Variants in MPPED2 observed in about 807,000 individuals in gnomAD.
MPPED2 encodes the protein metallophosphoesterase domain containing 2, also known as metallophosphoesterase MPPED2.
In MPPED2, 5 loss-of-function variants were observed where a neutral mutation model predicts 33.0. The observed-to-expected ratio is 0.15, with a 90% CI of 0.08 to 0.32. MPPED2 has a LOEUF of 0.32. Ranked by LOEUF, MPPED2 falls within the 10% of genes least tolerant of loss-of-function variation. MPPED2 has a pLI of 1.00. For synonymous variants in MPPED2, 136 were observed against 141.9 expected (o/e 0.96, Z 0.29); for missense variants, 275 against 372.1 (o/e 0.74, Z 2.15).
chr11:30,498,349 T>A lies in MPPED2; in HGVS notation c.311-2828A>T, dbSNP rs145680222. On this transcript the variant is annotated intron_variant, in intron 3 of 6. Coordinates refer to ENST00000358117, the MANE Select transcript of MPPED2 (RefSeq NM_001584.3). ...CCCGGAATCCCAGCACTTTGGGAGG[T>A]CAAGACAGGCAGATCACCTGAGGTC... is the stretch of plus-strand genomic sequence containing the variant. Among the ~76,000 whole-genome samples, 5 of 151,574 alleles carry A rather than the reference T, an allele frequency of 3.3e-5. 1 individual carries two copies. The highest frequency in any genetic ancestry group is 1.2e-4 in the African/African-American group (5 of 41,286).
chr11:30,450,207 T>C (rs1949996130), intron 4 of MPPED2, among the ~76,000 whole-genome samples: 1 of 152,226 alleles, frequency 6.6e-6, no homozygotes, highest in African/African-American at 2.4e-5. Context: ...AAAATATTAA[T>C]TGAGCATCTG....
intron 4 of MPPED2, among the ~76,000 whole-genome samples, chr11:30,435,860 T>C (rs962919477): frequency 6.6e-6 from 1 of 150,412 alleles, no homozygotes; most frequent in African/African-American, 2.5e-5. Flanking sequence ...AAACCTCATG[T>C]TTTTTTCCCC....
chr11:30,412,433 TA>T (rs1948149252), intron 6 of MPPED2, among the ~76,000 whole-genome samples: 1 of 152,122 alleles, frequency 6.6e-6, no homozygotes, highest in African/African-American at 2.4e-5. Context: ...CCTCTTCAAC[TA>T]AGATTCTATG....
At chr11:30,500,446 C>T (rs549195613) in intron 3 of MPPED2, among the ~76,000 whole-genome samples, 7 of 152,116 alleles carry the variant, frequency 4.6e-5, no homozygotes, top group Non-Finnish European at 7.3e-5. Flanking sequence ...CCTAATGATT[C>T]GATTTTAAAA....
intron 2 of MPPED2, among the ~76,000 whole-genome samples, chr11:30,578,740 C>T (rs967848180): frequency 4.6e-5 from 7 of 152,004 alleles, no homozygotes; most frequent in African/African-American, 1.7e-4. Context: ...AGAACTGAAG[C>T]TATTCTAAAG....
At chr11:30,493,287 C>T (rs539484301) in intron 4 of MPPED2, among the ~76,000 whole-genome samples, 148 of 150,344 alleles carry the variant, frequency 9.8e-4, no homozygotes, top group Non-Finnish European at 1.3e-3. Context: ...AGGAGAATGG[C>T]GTGAACCCGG....
intron 4 of MPPED2, among the ~76,000 whole-genome samples, chr11:30,480,374 A>G (rs16920762): frequency 0.19 from 28,942 of 151,978 alleles, 2,861 homozygotes; most frequent in East Asian, 0.28. Flanking sequence ...ACAGGACTGC[A>G]GTGTGCTTAC....
intron 2 of MPPED2, among the ~76,000 whole-genome samples, chr11:30,541,780 C>T (rs901268146): frequency 1.3e-5 from 2 of 152,114 alleles, no homozygotes; most frequent in African/African-American, 4.8e-5. Flanking sequence ...TTTATAGAGA[C>T]AAGGTTTCAC....
At chr11:30,484,175 A>G (rs1951618268) in intron 4 of MPPED2, among the ~76,000 whole-genome samples, 1 of 152,154 alleles carries the variant, frequency 6.6e-6, no homozygotes, top group Non-Finnish European at 1.5e-5. Flanking sequence ...GGGCCTGAAA[A>G]TATCTAAATT....
chr11:30,555,524 T>C (rs1955923683), intron 2 of MPPED2, among the ~76,000 whole-genome samples: 1 of 152,136 alleles, frequency 6.6e-6, no homozygotes, highest in Non-Finnish European at 1.5e-5. Flanking sequence ...ATGGACCCAG[T>C]GGGAGGTAAC....
At chr11:30,524,261 GA>G (rs1392261424) in intron 3 of MPPED2, among the ~76,000 whole-genome samples, 3 of 151,514 alleles carry the variant, frequency 2.0e-5, no homozygotes, top group East Asian at 1.9e-4. Flanking sequence ...CTCAAAAAAG[GA>G]AAAAAATAAA....
chr11:30,521,628 C>T (rs1010005155), intron 3 of MPPED2, among the ~76,000 whole-genome samples: 3 of 152,206 alleles, frequency 2.0e-5, no homozygotes, highest in African/African-American at 2.4e-5. Context: ...CAGGACACCA[C>T]GCCGTATCTT....
At chr11:30,463,966 C>T (rs529956129) in intron 4 of MPPED2, among the ~76,000 whole-genome samples, 1 of 151,202 alleles carries the variant, frequency 6.6e-6, no homozygotes, top group South Asian at 2.1e-4. Context: ...TGAAATTTAC[C>T]CACGCAATAC....
At chr11:30,532,512 G>T (rs1954584720) in intron 3 of MPPED2, among the ~76,000 whole-genome samples, 23 of 152,136 alleles carry the variant, frequency 1.5e-4, no homozygotes, top group Admixed American at 1.5e-3. Context: ...TACTCTATTA[G>T]TTGAAAGTTG....
rs193023815 is a variant in MPPED2, at chr11:30,571,741, C to T, written c.128+8505G>A. Among the ~76,000 whole-genome samples the T allele has an allele frequency of 5.1e-3, 777 of 152,266 alleles. 2 individuals carry two copies. The highest frequency in any genetic ancestry group is 8.8e-3 in the Non-Finnish European group (599 of 67,978). ...AAGCTTCTCCTTTTTGGAAACAGTT[C>T]AGAATAATCTAGAGTTTGCTGTGCA... On this transcript the variant is annotated intron_variant, in intron 2 of 6. Transcript: ENST00000358117.
chr11:30,452,308 G>C (rs1198214651), intron 4 of MPPED2, among the ~76,000 whole-genome samples: 1 of 152,040 alleles, frequency 6.6e-6, no homozygotes, highest in East Asian at 1.9e-4. Flanking sequence ...CACTGCCAAG[G>C]GTCCACAGTT....
chr11:30,520,987 A>G (rs2134374277), intron 3 of MPPED2, among the ~76,000 whole-genome samples: 1 of 152,250 alleles, frequency 6.6e-6, no homozygotes, highest in African/African-American at 2.4e-5. Flanking sequence ...CATATTGGAA[A>G]AATACTGAAA....
intron 2 of MPPED2, among the ~76,000 whole-genome samples, chr11:30,541,820 G>A (rs1565167778): frequency 6.6e-6 from 1 of 152,148 alleles, no homozygotes. Context: ...TCAAACTCCT[G>A]ACCTCAAGTG....
intron 4 of MPPED2, among the ~76,000 whole-genome samples, chr11:30,434,456 C>G (rs1317719208): frequency 6.6e-6 from 1 of 152,122 alleles, no homozygotes; most frequent in Non-Finnish European, 1.5e-5. Flanking sequence ...TGTGTTTACC[C>G]CCAGGAAGTA....
Sources: gnomAD v4.1 joint callset for allele counts (sites outside exome capture counted in the v4.1 genomes callset) on GRCh38, gnomAD v4.1.1 for gene constraint, MANE v1.5 for transcripts, NCBI Gene and HGNC (gene_info 2026-07-23, HGNC 2026-07-21) for gene names.